The following LARP7 variants were observed in gnomAD, a reference collection of about 807,000 sequenced individuals.
LARP7 encodes La ribonucleoprotein 7, transcriptional regulator, also known as la-related protein 7.
In LARP7, 52 loss-of-function variants were observed where a neutral mutation model predicts 69.3. That is an observed-to-expected ratio of 0.75 (90% CI 0.60 to 0.95). LARP7 has a LOEUF of 0.95. Ranked by LOEUF, LARP7 falls within the 40% of genes least tolerant of loss-of-function variation. The probability of loss-of-function intolerance (pLI) is 0.00; values close to 1 mark genes in which losing one functional copy is unlikely to be tolerated. For synonymous variants in LARP7, 254 were observed against 215.9 expected, an observed-to-expected ratio of 1.18 and a Z score of -1.55; for missense variants, 733 against 673.0, an observed-to-expected ratio of 1.09 and a Z score of -0.99.
intron 8 of LARP7, chr4:112,648,180 T>C (rs1025449508): frequency 1.9e-6 from 1 of 531,246 alleles, no homozygotes. Flanking sequence ...AAAGGAAGAC[T>C]TACCATCACC....
intron 10 of LARP7, 121 bp from the exon 11 acceptor site, chr4:112,652,956 C>T (rs1408457100): frequency 5.2e-6 from 3 of 580,138 alleles, no homozygotes; most frequent in Non-Finnish European, 8.1e-6. Context: ...ATATTTGCTC[C>T]TCATTAGACT....
chr4:112,641,171 C>T (rs766956606), intron 1 of LARP7, among the ~76,000 whole-genome samples: 2 of 152,096 alleles, frequency 1.3e-5, no homozygotes, highest in African/African-American at 2.4e-5. Flanking sequence ...GAGGCCAAGG[C>T]AGGCAGATCA....
At chr4:112,643,782 G>T (rs1190698912) in intron 1 of LARP7, among the ~76,000 whole-genome samples, 1 of 151,606 alleles carries the variant, frequency 6.6e-6, no homozygotes, top group African/African-American at 2.4e-5. Context: ...AACCCAGGAG[G>T]CAGAGCTTGC....
rs1283518288 is a variant in LARP7, at chr4:112,644,504, A to G, written c.-2-164A>G. On this transcript the variant is annotated intron_variant, in intron 1 of 12. Transcript: ENST00000344442. ...AACATAGAAGGTAAATTATTTTTAA[A>G]TTTAATTTATTAAATATAAAAATGA... is the stretch of plus-strand genomic sequence containing the variant. 2.7e-6 allele frequency: 3 copies of G among 1,093,286 alleles called. 1 individual carries two copies. The Admixed American group carries it at 1.0e-4, about 38-fold the overall frequency. The allele number at this position is 1,093,286 out of a possible 1,614,324, so 67.7% of individuals were successfully genotyped here. A position where few individuals can be genotyped will look rare whatever the true frequency, so the allele number is the denominator to read the frequency against.
chr4:112,643,770 T>C (rs2048051235), intron 1 of LARP7, among the ~76,000 whole-genome samples: 2 of 151,416 alleles, frequency 1.3e-5, no homozygotes, highest in Admixed American at 1.3e-4. Context: ...GAGAATCGCT[T>C]GAACCCAGGA....
chr4:112,641,167 A>G (rs1341504070), intron 1 of LARP7, among the ~76,000 whole-genome samples: 1 of 152,102 alleles, frequency 6.6e-6, no homozygotes, highest in Non-Finnish European at 1.5e-5. Context: ...TCGGGAGGCC[A>G]AGGCAGGCAG....
At chr4:112,639,849 TG>T (rs1251932144) in intron 1 of LARP7, among the ~76,000 whole-genome samples, 3 of 152,094 alleles carry the variant, frequency 2.0e-5, no homozygotes, top group East Asian at 1.9e-4. Context: ...TATTGATAAT[TG>T]GATAATTATC....
chr4:112,644,809 G>T lies in LARP7; in HGVS notation c.140G>T (p.Gly47Val). The T allele has an allele frequency of 6.2e-7, 1 of 1,608,338 alleles. No homozygotes were observed. The highest frequency in any genetic ancestry group is 1.1e-5 in the South Asian group (1 of 90,544). Residue 47 changes from glycine to valine, a missense_variant, in exon 2 of 13, where the codon GGG becomes GTG. Physicochemically the swap from Gly to Val is moderately radical, Grantham distance 109 (BLOSUM62 -3). Transcript: ENST00000344442. ...DIAKQVDFWF[G>V]DANLHKDRFL... ...GCTAAGCAAGTGGACTTCTGGTTTG[G>T]GGATGCAAATCTTCACAAGGATAGA...
rs759254399 is a variant in LARP7, at chr4:112,644,760, G to A, written c.91G>A (p.Val31Ile). Residue 31 changes from valine (V) to isoleucine (I), a missense_variant, in exon 2 of 13, where the codon GTT becomes ATT. Val to Ile is a conservative substitution (Grantham distance 29). Coordinates refer to ENST00000344442, the MANE Select transcript of LARP7 (RefSeq NM_016648.4). Reference sequence around the variant, plus strand: ...AGTTGAAAAAAAGAAACGGTCACGAGTTAAACAGGTGCTTGCAGATATTGC... The same window carrying A: ...AGTTGAAAAAAAGAAACGGTCACGAATTAAACAGGTGCTTGCAGATATTGC... ...KEVEKKKRSR[V>I]KQVLADIAKQ... 2 of 1,609,862 alleles carry A rather than the reference G, an allele frequency of 1.2e-6. No homozygotes were observed. The highest frequency in any genetic ancestry group is 1.7e-5 in the Admixed American group (1 of 59,882).
In LARP7 at chr4:112,647,354, CCCCAAAAGCAG is replaced by C. The variant is rs2048348287; in HGVS notation, c.803_813del (p.Pro268LeufsTer12). 1.9e-6 allele frequency: 3 copies of C among 1,613,980 alleles called. No individual in the cohort carries two copies. In the East Asian group the frequency reaches 6.7e-5, roughly 36 times the overall value. On this transcript the variant is annotated frameshift_variant, in exon 7 of 13. Coordinates refer to ENST00000344442, the MANE Select transcript of LARP7 (RefSeq NM_016648.4). LOFTEE classifies it high-confidence loss of function. The stretch of plus-strand genomic sequence containing the variant: ...GGGCTCTGACATTGAGTCCACTGAA[CCCCAAAAGCAG>C]TGCTCAAAGAAAAAGAAAAAACGGG...
intron 1 of LARP7, among the ~76,000 whole-genome samples, chr4:112,642,856 A>G (rs559600584): frequency 2.0e-5 from 3 of 152,230 alleles, no homozygotes; most frequent in African/African-American, 4.8e-5. Flanking sequence ...TAAGGCCTCC[A>G]TGCCATCTAA....
rs756638578 is a variant in LARP7 at position 112,647,283 on chromosome 4, G to C, written c.731G>C (p.Ser244Thr). Residue 244 changes from serine to threonine, a missense_variant, in exon 7 of 13, where the codon AGC (serine) becomes ACC (threonine). Transcript: ENST00000344442. ...IQAKEENMDTSNTSISKMKRS... is the reference protein window; with the variant it reads ...IQAKEENMDTTNTSISKMKRS... ...GCCAAAGAAGAAAACATGGACACAA[G>C]CAACACCAGCATCAGTAAAATGAAA... 1.2e-6 allele frequency: 2 copies of C among 1,613,780 alleles called. No individual in the cohort carries two copies. Among genetic ancestry groups the C allele is most frequent in the South Asian group, 2.2e-5 (2 of 90,962 alleles).
intron 8 of LARP7, 144 bp from the exon 9 acceptor site, chr4:112,649,391 A>G (rs1011254041): frequency 1.0e-5 from 6 of 596,952 alleles, no homozygotes; most frequent in Non-Finnish European, 1.7e-5. Flanking sequence ...TTTAGAACCT[A>G]GGAAATATTT....
chr4:112,644,572 T>C, intron 1 of LARP7, 96 bp from the exon 2 acceptor site: 3 of 1,061,100 alleles, frequency 2.8e-6, no homozygotes, highest in Non-Finnish European at 2.6e-6. Context: ...TGTGAGTCCA[T>C]TATTCTCTCA....
chr4:112,651,620 CA>C lies in LARP7; in HGVS notation c.1416+1042del, dbSNP rs2048743931. 3.9e-5 allele frequency among the ~76,000 whole-genome samples: 6 copies of C among 152,184 alleles called. 1 individual carries two copies. The highest frequency in any genetic ancestry group is 1.4e-4 in the African/African-American group (6 of 41,496). Reference sequence around the variant, plus strand: ...TTACAAATTCATCATTTATGATCATCAAAATCATAAAATCAATCCCTGCATT... The same window carrying C: ...TTACAAATTCATCATTTATGATCATCAAATCATAAAATCAATCCCTGCATT... On this transcript the variant is annotated intron_variant, in intron 10 of 12. Coordinates refer to ENST00000344442, the MANE Select transcript of LARP7 (RefSeq NM_016648.4).
intron 9 of LARP7, 36 bp from the exon 10 acceptor site, chr4:112,650,425 G>C (rs756274569): frequency 6.2e-7 from 1 of 1,609,282 alleles, no homozygotes; most frequent in Admixed American, 1.7e-5. Context: ...TTAAGTGTAA[G>C]AGATTTAGTC....
chr4:112,653,375 T>G, intron 11 of LARP7, 139 bp downstream of exon 11: 1 of 542,326 alleles, frequency 1.8e-6, no homozygotes, highest in Non-Finnish European at 3.0e-6. Context: ...AGTGGTGTGA[T>G]CTCAGCTCAC....
At chr4:112,642,418 A>G (rs796851476) in intron 1 of LARP7, among the ~76,000 whole-genome samples, 10 of 152,354 alleles carry the variant, frequency 6.6e-5, no homozygotes, top group African/African-American at 2.4e-4. Context: ...GCCAAAATGT[A>G]CTTCTGTTGA....
At chr4:112,648,434 T>A (rs769092848) in intron 8 of LARP7, 1 of 534,474 alleles carries the variant, frequency 1.9e-6, no homozygotes, top group Admixed American at 1.9e-5. Context: ...GCAAAGGGGA[T>A]CCCTTCAAAT....
Sources: gnomAD v4.1 joint callset for allele counts (sites outside exome capture counted in the v4.1 genomes callset) on GRCh38, gnomAD v4.1.1 for gene constraint, MANE v1.5 for transcripts, NCBI Gene and HGNC (gene_info 2026-07-23, HGNC 2026-07-21) for gene names.